Variants in HIGD1A observed in about 807,000 individuals in gnomAD.
HIGD1A encodes HIG1 domain family member 1A, mitochondrial.
HIGD1A carries 8 observed loss-of-function variants against 11.3 expected under a neutral mutation model. That is an observed-to-expected ratio of 0.71 (90% CI 0.42 to 1.28). The LOEUF (loss-of-function observed/expected upper bound fraction) is 1.28, where lower values mean the gene tolerates loss of function less well. Ranked by LOEUF, HIGD1A falls within the 50% of genes most tolerant of loss-of-function variation. The probability of loss-of-function intolerance (pLI) is 0.01; values close to 1 mark genes in which losing one functional copy is unlikely to be tolerated. For missense variants in HIGD1A, 107 were observed against 118.8 expected (o/e 0.90, Z 0.46); for synonymous variants, 32 against 38.4 (o/e 0.83, Z 0.62).
At chr3:42,791,470 C>T (rs942247471) in intron 2 of HIGD1A, among the ~76,000 whole-genome samples, 2 of 152,116 alleles carry the variant, frequency 1.3e-5, no homozygotes, top group South Asian at 4.1e-4. Context: ...ATGACCAATA[C>T]ATATGAAAAG....
At chr3:42,791,994 ATT>A (rs1028145631) in intron 2 of HIGD1A, among the ~76,000 whole-genome samples, 1 of 152,214 alleles carries the variant, frequency 6.6e-6, no homozygotes, top group Non-Finnish European at 1.5e-5. Context: ...TCCTATATGC[ATT>A]GTTATAAAAA....
chr3:42,789,589 CTT>C (rs1211613456), intron 2 of HIGD1A, among the ~76,000 whole-genome samples: 52 of 149,108 alleles, frequency 3.5e-4, no homozygotes, highest in African/African-American at 1.2e-3. Flanking sequence ...CGAAAAATCT[CTT>C]AAGATTCACG....
chr3:42,804,030 G>T, intron 1 of HIGD1A: 1 of 877,194 alleles, frequency 1.1e-6, no homozygotes, highest in Non-Finnish European at 1.7e-6. Flanking sequence ...CTCGCCTGCC[G>T]CTTAGCCCGC....
intron 2 of HIGD1A, among the ~76,000 whole-genome samples, chr3:42,787,590 C>A (rs1484474346): frequency 5.7e-4 from 66 of 115,884 alleles, no homozygotes; most frequent in South Asian, 1.2e-3. Context: ...GACTCCATCT[C>A]AAAAATATAT....
At chr3:42,793,973 A>G (rs1700461050) in intron 2 of HIGD1A, among the ~76,000 whole-genome samples, 184 bp downstream of exon 2, 1 of 152,172 alleles carries the variant, frequency 6.6e-6, no homozygotes, top group Non-Finnish European at 1.5e-5. Flanking sequence ...CCTGTCTCCA[A>G]AAAGAAAAAA....
At chr3:42,799,486 A>G (rs1435334365) in intron 1 of HIGD1A, among the ~76,000 whole-genome samples, 2 of 152,202 alleles carry the variant, frequency 1.3e-5, no homozygotes, top group Admixed American at 6.5e-5. Flanking sequence ...TTTATGAGAC[A>G]GGGTCTAGTT....
chr3:42,785,940 A>G, intron 3 of HIGD1A, 88 bp downstream of exon 3: 1 of 1,214,726 alleles, frequency 8.2e-7, no homozygotes, highest in South Asian at 1.3e-5. Context: ...CAACTGCTAA[A>G]AGGTCAGCTA....
chr3:42,787,352 T>C (rs946711569), intron 2 of HIGD1A, among the ~76,000 whole-genome samples: 3 of 151,876 alleles, frequency 2.0e-5, no homozygotes, highest in African/African-American at 7.3e-5. Context: ...CCCAGCACTT[T>C]GGGAGGTTGA....
chr3:42,804,234 C>T (rs1397234443), intron 1 of HIGD1A: 1 of 1,605,722 alleles, frequency 6.2e-7, no homozygotes, highest in African/African-American at 1.3e-5. Context: ...GGACCCTAGG[C>T]CTCGGCTCCC....
At chr3:42,790,893 C>T (rs1362506946) in intron 2 of HIGD1A, among the ~76,000 whole-genome samples, 1 of 152,102 alleles carries the variant, frequency 6.6e-6, no homozygotes, top group Non-Finnish European at 1.5e-5. Flanking sequence ...TACACTACAG[C>T]CCTGAACTCC....
At chr3:42,788,654 G>A (rs890555282) in intron 2 of HIGD1A, among the ~76,000 whole-genome samples, 1 of 152,070 alleles carries the variant, frequency 6.6e-6, no homozygotes. Context: ...GGCCGAGGCA[G>A]GTGAATCACT....
intron 1 of HIGD1A, chr3:42,804,116 G>A (rs1700605228): frequency 6.4e-7 from 1 of 1,567,038 alleles, no homozygotes; most frequent in South Asian, 1.1e-5. Context: ...ACACCCTCCT[G>A]GCCCCCGTCT....
chr3:42,802,869 A>C (rs1312501674), intron 1 of HIGD1A, among the ~76,000 whole-genome samples: 2 of 152,222 alleles, frequency 1.3e-5, no homozygotes, highest in African/African-American at 2.4e-5. Context: ...GCTGATGTAA[A>C]TTAGATTAAA....
In HIGD1A at chr3:42,791,794, A is replaced by G. The variant is rs1434982307; in HGVS notation, c.97+2363T>C. On this transcript the variant is annotated intron_variant, in intron 2 of 3. Coordinates refer to ENST00000321331, the MANE Select transcript of HIGD1A (RefSeq NM_014056.4). The stretch of plus-strand genomic sequence containing the variant: ...TTTGAAATGTCTTTCTGCGTATTTC[A>G]TAATGACTTAAATGACTTAAAAGTC... 2.0e-5 allele frequency among the ~76,000 whole-genome samples: 3 copies of G among 152,208 alleles called. No homozygotes were observed. In the East Asian group the frequency reaches 5.8e-4, roughly 29 times the overall value.
chr3:42,795,207 G>C (rs945341001), intron 1 of HIGD1A, among the ~76,000 whole-genome samples: 15 of 137,658 alleles, frequency 1.1e-4, no homozygotes, highest in African/African-American at 4.1e-4. Flanking sequence ...CACTGTGCCA[G>C]CTTATGATTA....
At chr3:42,786,924 C>T (rs1051432538) in intron 2 of HIGD1A, among the ~76,000 whole-genome samples, 1 of 152,110 alleles carries the variant, frequency 6.6e-6, no homozygotes, top group Non-Finnish European at 1.5e-5. Context: ...TACAGGAGGG[C>T]TGTCTTTCCC....
chr3:42,800,856 T>G (rs1399593822), intron 1 of HIGD1A, among the ~76,000 whole-genome samples: 1 of 152,150 alleles, frequency 6.6e-6, no homozygotes, highest in Non-Finnish European at 1.5e-5. Flanking sequence ...TATCTCCGTT[T>G]ATTCTGTTTA....
At chr3:42,787,080 G>C (rs1231843626) in intron 2 of HIGD1A, among the ~76,000 whole-genome samples, 1 of 152,104 alleles carries the variant, frequency 6.6e-6, no homozygotes, top group Non-Finnish European at 1.5e-5. Flanking sequence ...AATCTGTACT[G>C]GTTCCTTGAA....
At chr3:42,788,274 T>C (rs1700377037) in intron 2 of HIGD1A, among the ~76,000 whole-genome samples, 1 of 152,206 alleles carries the variant, frequency 6.6e-6, no homozygotes, top group African/African-American at 2.4e-5. Flanking sequence ...ATGATTGCTC[T>C]TTGCCAATTA....
Sources: gnomAD v4.1 joint callset for allele counts (sites outside exome capture counted in the v4.1 genomes callset) on GRCh38, gnomAD v4.1.1 for gene constraint, MANE v1.5 for transcripts, NCBI Gene and HGNC (gene_info 2026-07-23, HGNC 2026-07-21) for gene names.